RTN3: variants seen among roughly 807,000 people sequenced by gnomAD.
The protein encoded by RTN3 is reticulon 3.
RTN3 carries 49 observed loss-of-function variants against 77.8 expected under a neutral mutation model. The observed-to-expected ratio is 0.63, with a 90% CI of 0.50 to 0.80. The LOEUF (loss-of-function observed/expected upper bound fraction) is 0.80, where lower values mean the gene tolerates loss of function less well. RTN3 is among the 30% of genes least tolerant of loss of function. The probability of loss-of-function intolerance (pLI) is 0.00; values close to 1 mark genes in which losing one functional copy is unlikely to be tolerated. For missense variants in RTN3, 1,236 were observed against 1,211.9 expected, an observed-to-expected ratio of 1.02 and a Z score of -0.29; for synonymous variants, 464 against 446.9, an observed-to-expected ratio of 1.04 and a Z score of -0.48.
At chr11:63,735,550 T>TTCTCCCTC (rs2013034774) in intron 3 of RTN3, among the ~76,000 whole-genome samples, 4 of 42,686 alleles carry the variant, frequency 9.4e-5, no homozygotes, top group Non-Finnish European at 1.3e-4. Flanking sequence ...ATTCTAACAT[T>TTCTCCCTC]TCTCTCTCTC....
At chr11:63,748,067 C>A (rs1398740176) in intron 3 of RTN3, among the ~76,000 whole-genome samples, 1 of 151,716 alleles carries the variant, frequency 6.6e-6, no homozygotes, top group Non-Finnish European at 1.5e-5. Context: ...AATCCCAGCA[C>A]TTTGGGATGC....
At chr11:63,755,651 CAAAA>C (rs776039864) in intron 7 of RTN3, among the ~76,000 whole-genome samples, 18 of 17,058 alleles carry the variant, frequency 1.1e-3, no homozygotes, top group Admixed American at 1.9e-3. Flanking sequence ...AATTCCATCT[CAAAA>C]AAAAAAAAAA....
In RTN3 at chr11:63,718,701, G is replaced by A. The variant is rs183945128; in HGVS notation, c.200-1G>A. The A allele has an allele frequency of 6.4e-7, 1 of 1,559,260 alleles. No individual in the cohort carries two copies. Among genetic ancestry groups the A allele is most frequent in the African/African-American group, 1.4e-5 (1 of 72,368 alleles). On this transcript the variant is annotated splice_acceptor_variant, in intron 2 of 8. Coordinates refer to ENST00000377819, the MANE Select transcript of RTN3 (RefSeq NM_001265589.2). LOFTEE classifies it high-confidence loss of function. Reference sequence around the variant, plus strand: ...TTTTTTCTTTGAAATTCTGATCATAGAGGGATTGAGCTCTCTTTGCTCTGA... The same window carrying A: ...TTTTTTCTTTGAAATTCTGATCATAAAGGGATTGAGCTCTCTTTGCTCTGA...
At chr11:63,681,492 A>G (rs933017682), upstream of RTN3, 8 of 823,240 alleles carry the variant, frequency 9.7e-6, no homozygotes, top group African/African-American at 1.4e-4. Flanking sequence ...CGCTCGGCTG[A>G]GTCAGTCAGT....
At chr11:63,708,983 T>A (rs1284347371) in intron 2 of RTN3, among the ~76,000 whole-genome samples, 1 of 152,202 alleles carries the variant, frequency 6.6e-6, no homozygotes, top group Admixed American at 6.5e-5. Flanking sequence ...CATTTAATCT[T>A]CATAAGCAGT....
chr11:63,722,031 G>GATAAAAT (rs2011854075), intron 3 of RTN3, among the ~76,000 whole-genome samples: 1 of 152,002 alleles, frequency 6.6e-6, no homozygotes, highest in East Asian at 1.9e-4. Flanking sequence ...TATTTCAAAT[G>GATAAAAT]ATCACTTTTC....
chr11:63,697,046 G>A (rs1211244727), intron 1 of RTN3, among the ~76,000 whole-genome samples: 9 of 150,766 alleles, frequency 6.0e-5, no homozygotes, highest in East Asian at 2.0e-4. Flanking sequence ...CACCATACCC[G>A]ACTAATTTTT....
intron 3 of RTN3, among the ~76,000 whole-genome samples, chr11:63,724,369 C>G (rs1306851287): frequency 7.1e-6 from 1 of 141,394 alleles, no homozygotes; most frequent in Non-Finnish European, 1.5e-5. Flanking sequence ...TTTTTTAGTA[C>G]AGACGGGGTT....
intron 2 of RTN3, among the ~76,000 whole-genome samples, chr11:63,716,160 T>G (rs988089518): frequency 6.6e-6 from 1 of 152,242 alleles, no homozygotes; most frequent in East Asian, 1.9e-4. Flanking sequence ...AGCTCAGCTC[T>G]TATTACATCA....
intron 1 of RTN3, among the ~76,000 whole-genome samples, chr11:63,697,185 C>A (rs746982515): frequency 2.6e-5 from 4 of 151,356 alleles, no homozygotes; most frequent in Non-Finnish European, 5.9e-5. Flanking sequence ...CGCCCGGCCC[C>A]GTTGCTATTT....
rs1240690252 is a variant in RTN3 at position 63,714,149 on chromosome 11, G to T, written c.200-4553G>T. On this transcript the variant is annotated intron_variant, in intron 2 of 8. Transcript: ENST00000377819. Reference sequence around the variant, plus strand: ...AATTTTTCCCATTGTCTTGGTACAGGTCAGCTGTGTCCAAGTTTGTTAGGG... The same window carrying T: ...AATTTTTCCCATTGTCTTGGTACAGTTCAGCTGTGTCCAAGTTTGTTAGGG... 3 of 430,066 alleles carry T rather than the reference G, an allele frequency of 7.0e-6. No homozygotes were observed. The East Asian group carries it at 2.1e-4, about 31-fold the overall frequency. 26.6% of individuals were successfully genotyped at this position (430,066 alleles called of 1,614,324 possible). A position where few individuals can be genotyped will look rare whatever the true frequency, so the allele number is the denominator to read the frequency against.
At chr11:63,752,996 G>A (rs1186218147) in intron 5 of RTN3, 73 bp from the exon 6 acceptor site, 11 of 1,356,842 alleles carry the variant, frequency 8.1e-6, no homozygotes, top group Non-Finnish European at 1.0e-5. Flanking sequence ...ATTAGCTGGA[G>A]GAGAATGACA....
In RTN3 at chr11:63,737,000, G is replaced by C. The variant is rs372892389; in HGVS notation, c.2531-12991G>C. Among the ~76,000 whole-genome samples, 18 of 149,218 alleles carry C rather than the reference G, an allele frequency of 1.2e-4. No homozygotes were observed. In the East Asian group the frequency reaches 2.9e-3, roughly 24 times the overall value. ...TTTTTTTTTTTTTTTCCCTGTGATA[G>C]GGTCTTGCTCTGTTCCTAAGCCAGA... is the stretch of plus-strand genomic sequence containing the variant. On this transcript the variant is annotated intron_variant, in intron 3 of 8. Coordinates refer to ENST00000377819, the MANE Select transcript of RTN3 (RefSeq NM_001265589.2).
chr11:63,681,745 C>G lies in RTN3; in HGVS notation c.109C>G (p.Leu37Val), dbSNP rs1187009783. 2 of 1,605,608 alleles carry G rather than the reference C, an allele frequency of 1.2e-6. No homozygotes were observed. The highest frequency in any genetic ancestry group is 1.1e-5 in the South Asian group (1 of 90,640). The change falls in exon 1 of 9, where the codon CTG (leucine) becomes GTG (valine). Residue 37 changes from leucine to valine, a missense_variant. Leu to Val is a conservative substitution (Grantham distance 32). Coordinates refer to ENST00000377819, the MANE Select transcript of RTN3 (RefSeq NM_001265589.2). Reference protein sequence around the residue: ...GGGSPGACPALGTKSCSSSCA... With the variant: ...GGGSPGACPAVGTKSCSSSCA... The stretch of plus-strand genomic sequence containing the variant: ...CGGGAGCCCAGGAGCCTGCCCCGCC[C>G]TGGGGACGAAGAGCTGCAGCTCCTC...
chr11:63,748,581 C>T (rs1041955928), intron 3 of RTN3, among the ~76,000 whole-genome samples: 1 of 150,906 alleles, frequency 6.6e-6, no homozygotes, highest in African/African-American at 2.4e-5. Flanking sequence ...AGCTCCTGGC[C>T]TCAAGTGATC....
chr11:63,742,299 C>A lies in RTN3; in HGVS notation c.2531-7692C>A, dbSNP rs141386199. ...TTGCCTGGCTCTTCTAGGTTCTTTACATTTGAATTTGCATAGGAATTTTAG... is the reference window on the plus strand; with the variant it reads ...TTGCCTGGCTCTTCTAGGTTCTTTAAATTTGAATTTGCATAGGAATTTTAG... On this transcript the variant is annotated intron_variant, in intron 3 of 8. Transcript: ENST00000377819. Among the ~76,000 whole-genome samples the A allele has an allele frequency of 5.2e-4, 78 of 150,428 alleles. 3 individuals carry two copies. The East Asian group carries it at 0.015, about 29-fold the overall frequency.
intron 1 of RTN3, among the ~76,000 whole-genome samples, chr11:63,689,084 TTGA>T (rs1429797654): frequency 6.6e-6 from 1 of 152,204 alleles, no homozygotes; most frequent in African/African-American, 2.4e-5. Context: ...AACTTTATTG[TTGA>T]TGATGAATTT....
chr11:63,720,577 T>C lies in RTN3; in HGVS notation c.2075T>C (p.Val692Ala), dbSNP rs1358460509. ...TDFKTTPPVE[V>A]LHENESGGSE... ...TTTAAAACAACTCCTCCTGTAGAAG[T>C]CTTACATGAAAATGAGTCCGGTGGT... is the stretch of plus-strand genomic sequence containing the variant. The change falls in exon 3 of 9, where the codon GTC becomes GCC. Residue 692 changes from valine (V) to alanine (A), a missense_variant. Coordinates refer to ENST00000377819, the MANE Select transcript of RTN3 (RefSeq NM_001265589.2). 3 of 1,613,890 alleles carry C rather than the reference T, an allele frequency of 1.9e-6. No homozygotes were observed. The African/African-American group carries it at 4.0e-5, about 22-fold the overall frequency.
chr11:63,689,893 G>A (rs1777199624), intron 1 of RTN3, among the ~76,000 whole-genome samples: 1 of 152,066 alleles, frequency 6.6e-6, no homozygotes, highest in South Asian at 2.1e-4. Flanking sequence ...GAGTAGGTGG[G>A]ATTGCAGGCT....
Sources: gnomAD v4.1 joint callset for allele counts (sites outside exome capture counted in the v4.1 genomes callset) on GRCh38, gnomAD v4.1.1 for gene constraint, MANE v1.5 for transcripts, NCBI Gene and HGNC (gene_info 2026-07-23, HGNC 2026-07-21) for gene names.